Variants in TBC1D5 observed in about 807,000 individuals in gnomAD.
The protein encoded by TBC1D5 is TBC1 domain family, member 5.
Under a neutral mutation model 100.3 loss-of-function variants are expected in TBC1D5, and 75 were observed. The observed-to-expected ratio is 0.75, with a 90% CI of 0.62 to 0.91. The LOEUF (loss-of-function observed/expected upper bound fraction) is 0.91, where lower values mean the gene tolerates loss of function less well. Among genes scored for constraint, TBC1D5 ranks in the 40% least tolerant of loss-of-function variants. The pLI, the probability that TBC1D5 is intolerant of heterozygous loss-of-function variation, is 0.00. For synonymous variants in TBC1D5, 323 were observed against 325.6 expected, an observed-to-expected ratio of 0.99 and a Z score of 0.09; for missense variants, 910 against 942.4, an observed-to-expected ratio of 0.97 and a Z score of 0.45.
intron 3 of TBC1D5, among the ~76,000 whole-genome samples, chr3:17,452,691 CAT>C (rs976788263): frequency 6.6e-6 from 1 of 152,020 alleles, no homozygotes; most frequent in Admixed American, 6.6e-5. Flanking sequence ...TAAAGAGACA[CAT>C]AGACACTAAC....
intron 9 of TBC1D5, among the ~76,000 whole-genome samples, chr3:17,380,039 CTGTGTATGTGTGTGTGTG>C (rs200354316): frequency 0.071 from 7,125 of 100,086 alleles, 305 homozygotes; most frequent in African/African-American, 0.15. Context: ...ACAGCTGTGA[CTGTGTATGTGTGTGTGTG>C]TGTGTGTGTG....
intron 3 of TBC1D5, among the ~76,000 whole-genome samples, chr3:17,476,803 A>C (rs1384890190): frequency 6.6e-6 from 1 of 151,902 alleles, no homozygotes; most frequent in African/African-American, 2.4e-5. Flanking sequence ...TCTCCACAAA[A>C]ACTACCACAT....
chr3:17,606,482 C>T (rs148824748), intron 2 of TBC1D5, among the ~76,000 whole-genome samples: 41 of 152,130 alleles, frequency 2.7e-4, no homozygotes, highest in African/African-American at 9.6e-4. Flanking sequence ...TTTACTCAAA[C>T]CTTTGGCTAT....
chr3:17,376,748 A>C (rs960802525), intron 9 of TBC1D5, 135 bp from the exon 10 acceptor site: 2 of 569,594 alleles, frequency 3.5e-6, no homozygotes, highest in East Asian at 3.2e-5. Flanking sequence ...AACACATAAA[A>C]ACGGAAAGCT....
intron 3 of TBC1D5, among the ~76,000 whole-genome samples, chr3:17,454,606 C>T (rs1420398205): frequency 6.6e-6 from 1 of 152,050 alleles, no homozygotes; most frequent in Non-Finnish European, 1.5e-5. Flanking sequence ...ACTACAGGTG[C>T]CCGCCACCAT....
intron 13 of TBC1D5, among the ~76,000 whole-genome samples, chr3:17,314,155 T>C (rs1381316332): frequency 1.3e-5 from 2 of 152,204 alleles, no homozygotes; most frequent in Non-Finnish European, 2.9e-5. Context: ...AGCTAAATAG[T>C]TAAGTTACGG....
chr3:17,455,740 G>A (rs1270421477), intron 3 of TBC1D5, among the ~76,000 whole-genome samples: 4 of 152,050 alleles, frequency 2.6e-5, no homozygotes, highest in Admixed American at 2.6e-4. Context: ...TTGGGAGGCT[G>A]AGGTGGGAGA....
intron 19 of TBC1D5, among the ~76,000 whole-genome samples, chr3:17,182,563 G>T (rs933814014): frequency 6.6e-6 from 1 of 152,306 alleles, no homozygotes; most frequent in East Asian, 1.9e-4. Context: ...GCAGGATTCT[G>T]TGGAGTTCCA....
Position 17,607,547 on chromosome 3 carries a change from G to GA in TBC1D5, c.-36+16301dup, listed in dbSNP as rs572833260. ...GAAACAAATCAAGGTTGAGCTTAAA[G>GA]AAAAAAAAAAAAAAGCTTCAGTACA... On this transcript the variant is annotated intron_variant, in intron 2 of 21. Transcript: ENST00000253692. Among the ~76,000 whole-genome samples the GA allele has an allele frequency of 1.4e-3, 173 of 127,700 alleles. 1 individual carries two copies. Among genetic ancestry groups the GA allele is most frequent in the Admixed American group, 1.3e-3 (16 of 12,684 alleles). The allele number at this position is 127,700 out of a possible 152,430, so 83.8% of individuals were successfully genotyped here. A position where few individuals can be genotyped will look rare whatever the true frequency, so the allele number is the denominator to read the frequency against.
rs201238120 is a variant in TBC1D5, at chr3:17,385,923, GA to G, written c.510-1909del. The stretch of plus-strand genomic sequence containing the variant: ...GTAAGCATATGTCAGAGAAGCCAAA[GA>G]AACTGCAGAATGATGTCAAATGCAC... On this transcript the variant is annotated intron_variant, in intron 8 of 21. Transcript: ENST00000253692. Among the ~76,000 whole-genome samples, 1,333 of 152,136 alleles carry G rather than the reference GA, an allele frequency of 8.8e-3. 11 individuals carry two copies. The highest frequency in any genetic ancestry group is 0.014 in the Non-Finnish European group (959 of 67,970).
At chr3:17,222,114 ATCTTT>A (rs1192661243) in intron 17 of TBC1D5, among the ~76,000 whole-genome samples, 7 of 152,220 alleles carry the variant, frequency 4.6e-5, no homozygotes, top group South Asian at 2.1e-4. Flanking sequence ...TGTGCTGTTC[ATCTTT>A]TCTTTTATCT....
At chr3:17,552,719 G>T (rs1028531856) in intron 2 of TBC1D5, among the ~76,000 whole-genome samples, 1 of 151,822 alleles carries the variant, frequency 6.6e-6, no homozygotes, top group African/African-American at 2.4e-5. Flanking sequence ...GAGAGAATGG[G>T]GTCTATTTTA....
At chr3:17,317,811 C>T (rs1023372250) in intron 13 of TBC1D5, among the ~76,000 whole-genome samples, 9 of 152,020 alleles carry the variant, frequency 5.9e-5, no homozygotes, top group East Asian at 3.9e-4. Flanking sequence ...TTGTGGAAGT[C>T]GGTGTGGCGA....
chr3:17,631,237 C>T (rs952875927), intron 1 of TBC1D5, among the ~76,000 whole-genome samples: 2 of 152,070 alleles, frequency 1.3e-5, no homozygotes, highest in Non-Finnish European at 2.9e-5. Flanking sequence ...CACAACATCC[C>T]CTTAAACCAA....
At chr3:17,167,047 T>C (rs1342484634) in intron 20 of TBC1D5, 119 bp from the exon 22 acceptor site, 1 of 966,444 alleles carries the variant, frequency 1.0e-6, no homozygotes, top group East Asian at 2.9e-5. Flanking sequence ...ATAGTATGAA[T>C]ATTAATATTT....
At chr3:17,521,691 T>A (rs2096065318) in intron 2 of TBC1D5, among the ~76,000 whole-genome samples, 1 of 152,148 alleles carries the variant, frequency 6.6e-6, no homozygotes, top group Non-Finnish European at 1.5e-5. Context: ...GTGAACTTTG[T>A]TAATTTGTTG....
intron 3 of TBC1D5, among the ~76,000 whole-genome samples, chr3:17,473,621 A>G (rs2095406344): frequency 6.6e-6 from 1 of 152,230 alleles, no homozygotes; most frequent in Non-Finnish European, 1.5e-5. Context: ...CTACTTAATA[A>G]TCTTCTCTCT....
chr3:17,349,272 C>T (rs866465740), intron 13 of TBC1D5, among the ~76,000 whole-genome samples: 6 of 152,222 alleles, frequency 3.9e-5, no homozygotes, highest in South Asian at 4.1e-4. Context: ...GATTCTTAGT[C>T]GCCTCTAACA....
chr3:17,624,081 G>A (rs2062878391), intron 1 of TBC1D5, among the ~76,000 whole-genome samples, 168 bp from the exon 2 acceptor site: 2 of 152,104 alleles, frequency 1.3e-5, no homozygotes, highest in African/African-American at 4.8e-5. Flanking sequence ...ACAAAATTAA[G>A]GGTTTATACT....
Sources: allele counts gnomAD v4.1 joint callset (sites outside exome capture counted in the v4.1 genomes callset), GRCh38; gene constraint gnomAD v4.1.1; transcripts MANE v1.5; gene names NCBI Gene and HGNC (gene_info 2026-07-23, HGNC 2026-07-21).